The following ARHGEF1 variants were observed in gnomAD, a reference collection of about 807,000 sequenced individuals.
ARHGEF1 encodes the protein 115 kDa guanine nucleotide exchange factor.
ARHGEF1 carries 40 observed loss-of-function variants against 119.7 expected under a neutral mutation model. The ratio of observed to expected loss-of-function variants is 0.33; its 90% CI spans 0.26 to 0.44. ARHGEF1 has a LOEUF of 0.44. Ranked by LOEUF, ARHGEF1 falls within the 20% of genes least tolerant of loss-of-function variation. The pLI, the probability that ARHGEF1 is intolerant of heterozygous loss-of-function variation, is 1.00. For missense variants in ARHGEF1, 976 were observed against 1,268.3 expected (o/e 0.77, Z 3.50); for synonymous variants, 494 against 521.0 (o/e 0.95, Z 0.71).
downstream of ARHGEF1, chr19:41,908,609 G>C (rs560106559): frequency 7.2e-4 from 881 of 1,231,788 alleles, 4 homozygotes; most frequent in African/African-American, 0.013. The surrounding 1 kb of genome is among the most constrained non-coding windows in gnomAD (Gnocchi z 6.7). Context: ...TAAAGTTCCA[G>C]GGGTACTCAG....
Position 41,905,965 on chromosome 19 carries a change from C to T in ARHGEF1, c.2431C>T (p.Leu811Phe), listed in dbSNP as rs782422009. Residue 811 changes from leucine to phenylalanine, a missense_variant, in exon 26 of 29, where the codon CTC becomes TTC. By Grantham distance (22) the Leu-to-Phe change is conservative. Around this residue, in one of 3 missense-constraint regions of ARHGEF1, gnomAD observed 171 missense variants for 180.6 expected, o/e 0.95. Transcript: ENST00000354532. This position sits in a 1 kb window ranked among gnomAD's most constrained non-coding sequence, Gnocchi z 6.4. ...CCGGACCGAGAGAATCCTCAGTGAC[C>T]TCCTGCCCTTCTGCAGACCAGGCCC... ...DARTERILSDLLPFCRPGPEG... is the reference protein window; with the variant it reads ...DARTERILSDFLPFCRPGPEG... The T allele has an allele frequency of 1.2e-6, 2 of 1,614,034 alleles. No homozygotes were observed. The highest frequency in any genetic ancestry group is 2.2e-5 in the East Asian group (1 of 44,888).
At chr19:41,896,750 T>C in intron 13 of ARHGEF1, 1 of 599,432 alleles carries the variant, frequency 1.7e-6, no homozygotes, top group South Asian at 1.5e-5. Flanking sequence ...CTTCTCCTCC[T>C]CCCTTCCTCT....
Position 41,893,318 on chromosome 19 carries a change from G to C in ARHGEF1, c.644+15G>C, listed in dbSNP as rs1555846713. On this transcript the variant is annotated intron_variant, in intron 8 of 28. Coordinates refer to ENST00000354532, the MANE Select transcript of ARHGEF1 (RefSeq NM_004706.4). The stretch of plus-strand genomic sequence containing the variant: ...GAAGAAAAGAGGTGAGGGGGGCAGG[G>C]GAGGCGTGCGGCCTCCTGGGTTTGA... The C allele has an allele frequency of 6.2e-7, 1 of 1,600,628 alleles. No individual in the cohort carries two copies. The highest frequency in any genetic ancestry group is 1.1e-5 in the South Asian group (1 of 89,454).
downstream of ARHGEF1, chr19:41,907,987 G>A (rs575955423): frequency 1.8e-3 from 704 of 397,464 alleles, 5 homozygotes; most frequent in African/African-American, 0.014. Context: ...GGGGCCAGGC[G>A]GGGACCCCCC....
Position 41,905,076 on chromosome 19 carries a change from C to T in ARHGEF1, c.2249+40C>T, listed in dbSNP as rs565057084. 2.0e-4 allele frequency: 320 copies of T among 1,612,418 alleles called. 1 individual carries two copies. In the South Asian group the frequency reaches 3.2e-3, roughly 16 times the overall value. ...GAGTTCTGAGTGTGGGTGGAGGACG[C>T]CCAGGTTTCTGGGTTCCCAGGGACA... On this transcript the variant is annotated intron_variant, in intron 23 of 28. Coordinates refer to ENST00000354532, the MANE Select transcript of ARHGEF1 (RefSeq NM_004706.4). The surrounding 1 kb of genome is among the most constrained non-coding windows in gnomAD (Gnocchi z 6.4).
intron 14 of ARHGEF1, among the ~76,000 whole-genome samples, chr19:41,899,814 T>C (rs1555848682): frequency 6.6e-6 from 1 of 152,008 alleles, no homozygotes; most frequent in African/African-American, 2.4e-5. Flanking sequence ...GGGACTTGAC[T>C]GAAAGCTTAT....
chr19:41,884,502 C>T, intron 1 of ARHGEF1: 1 of 1,606,986 alleles, frequency 6.2e-7, no homozygotes, highest in Non-Finnish European at 8.5e-7. Context: ...AGGTGAGGGA[C>T]GCGGTCCCCA....
chr19:41,915,404 G>C (rs113784077), intron 18 of ARHGEF1, among the ~76,000 whole-genome samples: 2 of 151,454 alleles, frequency 1.3e-5, no homozygotes, highest in African/African-American at 4.9e-5. Flanking sequence ...GTCCCCGTCC[G>C]TCTGTCCGTC....
intron 1 of ARHGEF1, among the ~76,000 whole-genome samples, chr19:41,926,427 C>A (rs1307482676): frequency 6.6e-6 from 1 of 152,114 alleles, no homozygotes; most frequent in Non-Finnish European, 1.5e-5. Context: ...ATGGATGTGA[C>A]AGGTGCATTG....
Position 41,902,981 on chromosome 19 carries a change from C to G in ARHGEF1, c.1738+83C>G, listed in dbSNP as rs1248394314. 3 of 1,143,104 alleles carry G rather than the reference C, an allele frequency of 2.6e-6. No individual in the cohort carries two copies. The highest frequency in any genetic ancestry group is 2.8e-5 in the Admixed American group (1 of 35,800). 70.8% of individuals were successfully genotyped at this position (1,143,104 alleles called of 1,614,324 possible). On this transcript the variant is annotated intron_variant, in intron 18 of 28. Coordinates refer to ENST00000354532, the MANE Select transcript of ARHGEF1 (RefSeq NM_004706.4). The surrounding 1 kb of genome is among the most constrained non-coding windows in gnomAD (Gnocchi z 6.5). Reference sequence around the variant, plus strand: ...TTCTCACTCATTTTCATCAGTGATACCATCACAGCTCACTGCAGCCTCAAC... The same window carrying G: ...TTCTCACTCATTTTCATCAGTGATAGCATCACAGCTCACTGCAGCCTCAAC...
At chr19:41,899,208 C>T (rs782805273) in intron 14 of ARHGEF1, among the ~76,000 whole-genome samples, 6 of 152,018 alleles carry the variant, frequency 3.9e-5, no homozygotes, top group African/African-American at 7.2e-5. Context: ...AGGCTGGTCT[C>T]GAACCCTTGG....
At position 41,903,456 on chromosome 19, in the gene ARHGEF1, AG is replaced by A. The variant is rs781851926; in HGVS notation, c.1839+54del. On this transcript the variant is annotated intron_variant, in intron 19 of 28. Coordinates refer to ENST00000354532, the MANE Select transcript of ARHGEF1 (RefSeq NM_004706.4). This position sits in a 1 kb window ranked among gnomAD's most constrained non-coding sequence, Gnocchi z 4.2. ...CCGGGACAGTGGATGGTGTGAGAGC[AG>A]GGGGTGGACCCTACCTCAGCCTGTC... is the stretch of plus-strand genomic sequence containing the variant. 5.7e-6 allele frequency: 9 copies of A among 1,565,710 alleles called. No homozygotes were observed. In the South Asian group the frequency reaches 6.7e-5, roughly 12 times the overall value.
chr19:41,897,246 G>A, intron 13 of ARHGEF1: 1 of 1,277,398 alleles, frequency 7.8e-7, no homozygotes, highest in Non-Finnish European at 1.0e-6. Flanking sequence ...GGGACCCTTT[G>A]GTGGGTGCGG....
chr19:41,914,575 GTCTCTCCCTCCCTTTCCACCA>G (rs2074777113), intron 18 of ARHGEF1, among the ~76,000 whole-genome samples: 3 of 16,490 alleles, frequency 1.8e-4, no homozygotes, highest in Admixed American at 1.5e-3. Flanking sequence ...CTCTGTCTCC[GTCTCTCCCTCCCTTTCCACCA>G]TCTCTGTCTC....
rs1474496867 is a variant in ARHGEF1, at chr19:41,896,369, C to T, written c.1016-8C>T. 5.6e-6 allele frequency: 8 copies of T among 1,419,618 alleles called. No homozygotes were observed. Among genetic ancestry groups the T allele is most frequent in the African/African-American group, 1.5e-5 (1 of 68,654 alleles). The allele number at this position is 1,419,618 out of a possible 1,614,324, so 87.9% of individuals were successfully genotyped here. ...CTTCCAGCCAGCCCTGCTCCCTCCA[C>T]CCCACAGGTGCTGACGCCCCCCTGG... On this transcript the variant is annotated splice_polypyrimidine_tract_variant and splice_region_variant and intron_variant, in intron 12 of 28. Coordinates refer to ENST00000354532, the MANE Select transcript of ARHGEF1 (RefSeq NM_004706.4).
chr19:41,907,853 T>TG (rs11315010), downstream of ARHGEF1: 490 of 141,260 alleles, frequency 3.5e-3, 1 homozygote, highest in Middle Eastern at 8.5e-3. Context: ...GGGGCCTATA[T>TG]GGGGGGGGTG....
In ARHGEF1 at chr19:41,903,775, C is replaced by T. The variant is rs542587388; in HGVS notation, c.1908C>T (p.Ser636=). ...GGCAGAGCAGCGACCCTATGCTGAG[C>T]GAGTTCAAGGTGTGACCATACCCTC... ...HLRQSSDPML[S]EFKNLDITKK... is the part of the protein sequence containing the mutation. Residue 636 remains serine (S), a synonymous_variant, in exon 20 of 29, where the codon AGC becomes AGT. Coordinates refer to ENST00000354532, the MANE Select transcript of ARHGEF1 (RefSeq NM_004706.4). This position sits in a 1 kb window ranked among gnomAD's most constrained non-coding sequence, Gnocchi z 4.2. 4.3e-6 allele frequency: 7 copies of T among 1,612,926 alleles called. No homozygotes were observed. The highest frequency in any genetic ancestry group is 3.3e-5 in the South Asian group (3 of 91,080).
upstream of ARHGEF1, among the ~76,000 whole-genome samples, chr19:41,922,450 C>G (rs1429161558): frequency 6.6e-6 from 1 of 152,042 alleles, no homozygotes; most frequent in African/African-American, 2.4e-5. Flanking sequence ...CGGGAGCACA[C>G]AGGGACAGGG....
At chr19:41,913,392 G>A (rs1296636966) in intron 18 of ARHGEF1, among the ~76,000 whole-genome samples, 1 of 151,762 alleles carries the variant, frequency 6.6e-6, no homozygotes, top group African/African-American at 2.4e-5. Context: ...TCTCTCTCTG[G>A]CTGCCCCAGA....
Sources: gnomAD v4.1 joint callset for allele counts (sites outside exome capture counted in the v4.1 genomes callset) on GRCh38, gnomAD v4.1.1 for gene constraint, gnomAD v4.1.1 regional missense constraint, Gnocchi (gnomAD v3.1) non-coding constraint, MANE v1.5 for transcripts, NCBI Gene and HGNC (gene_info 2026-07-23, HGNC 2026-07-21) for gene names.